Variants in HTR1E observed in about 807,000 individuals in gnomAD.
HTR1E encodes 5-hydroxytryptamine receptor 1E.
HTR1E carries 3 observed loss-of-function variants against 3.4 expected under a neutral mutation model. The observed-to-expected ratio is 0.89, with a 90% CI of 0.41 to 2.31. HTR1E has a LOEUF of 2.31. Ranked by LOEUF, HTR1E falls within the 30% of genes most tolerant of loss-of-function variation. The pLI is 0.05. For missense variants in HTR1E, 392 were observed against 467.0 expected (o/e 0.84, Z 1.48); for synonymous variants, 170 against 182.8 (o/e 0.93, Z 0.56).
chr6:86,999,129 T>G (rs1767983580), intron 1 of HTR1E, among the ~76,000 whole-genome samples: 2 of 152,052 alleles, frequency 1.3e-5, no homozygotes. Flanking sequence ...CAGGCTAATT[T>G]TTTTTATTTT....
chr6:86,982,477 C>T (rs1414178271), intron 1 of HTR1E, among the ~76,000 whole-genome samples: 2 of 152,162 alleles, frequency 1.3e-5, no homozygotes, highest in South Asian at 4.1e-4. Flanking sequence ...AAGGAAGTGA[C>T]AGAAGAATGC....
chr6:86,942,041 T>G (rs1768553573), intron 1 of HTR1E, among the ~76,000 whole-genome samples: 1 of 152,212 alleles, frequency 6.6e-6, no homozygotes, highest in Non-Finnish European at 1.5e-5. Context: ...GGTGGCTAGC[T>G]ACAATAGCTT....
intron 1 of HTR1E, among the ~76,000 whole-genome samples, chr6:86,980,126 G>A (rs916639500): frequency 2.6e-5 from 4 of 152,254 alleles, no homozygotes; most frequent in African/African-American, 7.2e-5. Flanking sequence ...GGTGGCTCAC[G>A]CCTGTAATCC....
chr6:87,008,149 CAT>C (rs1301638622), intron 1 of HTR1E, among the ~76,000 whole-genome samples: 7 of 152,060 alleles, frequency 4.6e-5, no homozygotes, highest in African/African-American at 9.7e-5. Flanking sequence ...GTAATAATCA[CAT>C]GTCATATTCC....
chr6:86,985,101 A>G (rs1767765921), intron 1 of HTR1E, among the ~76,000 whole-genome samples: 1 of 152,182 alleles, frequency 6.6e-6, no homozygotes, highest in South Asian at 2.1e-4. Flanking sequence ...GCTGTCATTC[A>G]GCAAATGCTT....
At chr6:86,972,724 G>T (rs2127823373) in intron 1 of HTR1E, among the ~76,000 whole-genome samples, 1 of 152,188 alleles carries the variant, frequency 6.6e-6, no homozygotes, top group East Asian at 1.9e-4. Flanking sequence ...AAAAGGCAGG[G>T]AATTATCCCA....
intron 1 of HTR1E, among the ~76,000 whole-genome samples, chr6:86,999,646 G>C (rs1255453297): frequency 1.3e-5 from 2 of 151,968 alleles, no homozygotes; most frequent in Admixed American, 6.6e-5. Context: ...GTTTTTCTTT[G>C]GTTTGATCAG....
intron 1 of HTR1E, among the ~76,000 whole-genome samples, chr6:86,995,166 A>ACCGAC (rs1481632360): frequency 6.6e-6 from 1 of 152,008 alleles, no homozygotes; most frequent in Non-Finnish European, 1.5e-5. Context: ...AGGTCTACAT[A>ACCGAC]CCGACCCGGA....
chr6:87,001,577 C>T (rs1160952150), intron 1 of HTR1E, among the ~76,000 whole-genome samples: 1 of 152,178 alleles, frequency 6.6e-6, no homozygotes, highest in African/African-American at 2.4e-5. Flanking sequence ...ATCTCTCTGA[C>T]TGACTGAAAC....
intron 1 of HTR1E, among the ~76,000 whole-genome samples, chr6:86,972,645 A>G (rs2127823358): frequency 6.6e-6 from 1 of 152,348 alleles, no homozygotes; most frequent in East Asian, 1.9e-4. Context: ...GTGACTTTAA[A>G]AATAATATTT....
chr6:86,977,234 G>T (rs1306628042), intron 1 of HTR1E, among the ~76,000 whole-genome samples: 2 of 152,034 alleles, frequency 1.3e-5, no homozygotes, highest in Non-Finnish European at 2.9e-5. Context: ...TCCCACGTTT[G>T]TGTCCGTGGG....
At chr6:86,958,697 G>A (rs1329480227) in intron 1 of HTR1E, among the ~76,000 whole-genome samples, 4 of 152,140 alleles carry the variant, frequency 2.6e-5, no homozygotes, top group Admixed American at 2.6e-4. Context: ...GAAGGAGCAG[G>A]GGCTGCAAGC....
intron 1 of HTR1E, among the ~76,000 whole-genome samples, chr6:87,001,000 T>C (rs954254241): frequency 9.2e-5 from 14 of 152,196 alleles, no homozygotes; most frequent in African/African-American, 2.9e-4. Context: ...AGTAGGGGGA[T>C]AAAGCTAACG....
intron 1 of HTR1E, among the ~76,000 whole-genome samples, chr6:86,962,474 C>G (rs1767422680): frequency 6.6e-6 from 1 of 152,194 alleles, no homozygotes; most frequent in Non-Finnish European, 1.5e-5. Flanking sequence ...ATCCTAACAT[C>G]ATGGCACAAT....
chr6:86,964,020 A>G (rs988285673), intron 1 of HTR1E, among the ~76,000 whole-genome samples: 6 of 152,214 alleles, frequency 3.9e-5, no homozygotes, highest in Non-Finnish European at 8.8e-5. Context: ...ATTACTCTAC[A>G]GTTCAGGACA....
chr6:86,998,937 G>A (rs1191617339), intron 1 of HTR1E, among the ~76,000 whole-genome samples: 2 of 151,894 alleles, frequency 1.3e-5, no homozygotes, highest in Non-Finnish European at 2.9e-5. Flanking sequence ...TGTTTTGGGG[G>A]GGTTGTTTTT....
intron 1 of HTR1E, among the ~76,000 whole-genome samples, chr6:86,991,920 C>A (rs1285744826): frequency 6.6e-6 from 1 of 152,152 alleles, no homozygotes; most frequent in Non-Finnish European, 1.5e-5. Context: ...CAGGATATTA[C>A]ATCTGACTTT....
intron 1 of HTR1E, among the ~76,000 whole-genome samples, chr6:86,991,863 ACT>A (rs993853087): frequency 6.6e-6 from 1 of 152,104 alleles, no homozygotes; most frequent in African/African-American, 2.4e-5. Context: ...TTTTATACAA[ACT>A]CTTCAAATTG....
At chr6:86,974,842 G>A (rs1186569875) in intron 1 of HTR1E, among the ~76,000 whole-genome samples, 1 of 152,114 alleles carries the variant, frequency 6.6e-6, no homozygotes, top group African/African-American at 2.4e-5. Context: ...AAATTGACAA[G>A]ATTTGGCCAG....
Sources: gnomAD v4.1 joint callset for allele counts (sites outside exome capture counted in the v4.1 genomes callset) on GRCh38, gnomAD v4.1.1 for gene constraint, MANE v1.5 for transcripts, NCBI Gene and HGNC (gene_info 2026-07-23, HGNC 2026-07-21) for gene names.